NEDD4L: variants seen among roughly 807,000 people sequenced by gnomAD.
The protein encoded by NEDD4L is E3 ubiquitin-protein ligase NEDD4-like.
A neutral mutation model predicts 148.9 loss-of-function variants in NEDD4L; 54 were observed. The ratio of observed to expected loss-of-function variants is 0.36; its 90% CI spans 0.29 to 0.45. The LOEUF (loss-of-function observed/expected upper bound fraction) is 0.45. Among genes scored for constraint, NEDD4L ranks in the 20% least tolerant of loss-of-function variants. The pLI is 1.00. For synonymous variants in NEDD4L, 433 were observed against 440.7 expected (o/e 0.98, Z 0.22); for missense variants, 856 against 1,233.8 (o/e 0.69, Z 4.59).
chr18:58,186,023 G>A (rs1009443841), intron 2 of NEDD4L, among the ~76,000 whole-genome samples: 6 of 152,066 alleles, frequency 3.9e-5, no homozygotes, highest in African/African-American at 7.3e-5. Context: ...ATATGCACAC[G>A]CATACAGAGA....
chr18:58,081,869 G>A (rs1013016497), intron 1 of NEDD4L, among the ~76,000 whole-genome samples: 1 of 151,778 alleles, frequency 6.6e-6, no homozygotes, highest in Non-Finnish European at 1.5e-5. Flanking sequence ...AATTGAAATT[G>A]CCTATTTACC....
chr18:58,081,484 C>G (rs58741667), intron 1 of NEDD4L, among the ~76,000 whole-genome samples: 15,473 of 151,816 alleles, frequency 0.1, 914 homozygotes, highest in Middle Eastern at 0.19. Context: ...CAAAGTGCTA[C>G]GATTACAGGT....
At chr18:58,236,078 C>T (rs2045973608) in intron 2 of NEDD4L, among the ~76,000 whole-genome samples, 1 of 151,634 alleles carries the variant, frequency 6.6e-6, no homozygotes, top group Non-Finnish European at 1.5e-5. Flanking sequence ...GGTCTTTGGC[C>T]AAGTGTAGTG....
chr18:58,228,416 A>G (rs747737942), intron 2 of NEDD4L, among the ~76,000 whole-genome samples: 1 of 152,240 alleles, frequency 6.6e-6, no homozygotes, highest in Admixed American at 6.5e-5. Flanking sequence ...GAGAACTAAA[A>G]GTCATAGTCA....
At chr18:58,056,434 T>A (rs547491268) in intron 1 of NEDD4L, among the ~76,000 whole-genome samples, 1 of 152,320 alleles carries the variant, frequency 6.6e-6, no homozygotes, top group Admixed American at 6.5e-5. Context: ...TAGGAAATGT[T>A]CACCTAGACA....
intron 5 of NEDD4L, among the ~76,000 whole-genome samples, chr18:58,282,404 G>A (rs976978044): frequency 8.5e-5 from 13 of 152,112 alleles, no homozygotes; most frequent in African/African-American, 2.9e-4. Context: ...TTTATACTGC[G>A]AGCAATTTAA....
chr18:58,099,598 A>G lies in NEDD4L; in HGVS notation c.48+54890A>G, dbSNP rs1009901653. 2.6e-5 allele frequency among the ~76,000 whole-genome samples: 4 copies of G among 152,206 alleles called. No individual in the cohort carries two copies. The South Asian group carries it at 8.3e-4, about 32-fold the overall frequency. ...GTCCACCTGATGACCATTTAGGCCAATCACATGTTAATGGGAATTGAATGC... is the reference window on the plus strand; with the variant it reads ...GTCCACCTGATGACCATTTAGGCCAGTCACATGTTAATGGGAATTGAATGC... On this transcript the variant is annotated intron_variant, in intron 1 of 30. Transcript: ENST00000400345.
At chr18:58,238,811 T>A (rs939790445) in intron 2 of NEDD4L, among the ~76,000 whole-genome samples, 22 of 152,314 alleles carry the variant, frequency 1.4e-4, no homozygotes, top group Admixed American at 2.0e-4. Context: ...AATTATTCCT[T>A]CCAGTAGTAG....
intron 2 of NEDD4L, chr18:58,227,853 T>A: frequency 1.0e-6 from 1 of 956,542 alleles, no homozygotes; most frequent in Non-Finnish European, 1.2e-6. Context: ...GCTGTTGAAC[T>A]TTTTTTTGGT....
chr18:58,248,719 A>G lies in NEDD4L; in HGVS notation c.205-180A>G, dbSNP rs537332458. 5.9e-5 allele frequency among the ~76,000 whole-genome samples: 9 copies of G among 152,312 alleles called. No homozygotes were observed. In the East Asian group the frequency reaches 1.7e-3, roughly 29 times the overall value. ...TTCATACCTATGAAGCATCTGTTTC[A>G]TAAATACATTCCCTCCCCCTCCAGT... On this transcript the variant is annotated intron_variant, in intron 3 of 30. Transcript: ENST00000400345.
At chr18:58,218,652 T>C (rs577497025) in intron 2 of NEDD4L, among the ~76,000 whole-genome samples, 248 of 152,252 alleles carry the variant, frequency 1.6e-3, no homozygotes, top group Non-Finnish European at 2.4e-3. Flanking sequence ...CGCCAGCAGC[T>C]TTTTCTTCAT....
chr18:58,304,963 C>G (rs1295990435), intron 5 of NEDD4L, among the ~76,000 whole-genome samples: 2 of 152,348 alleles, frequency 1.3e-5, no homozygotes, highest in African/African-American at 2.4e-5. Flanking sequence ...AGTGAAATCC[C>G]TGTGCTTTGT....
intron 2 of NEDD4L, among the ~76,000 whole-genome samples, chr18:58,223,783 C>T (rs1051742975): frequency 3.9e-5 from 6 of 152,200 alleles, no homozygotes; most frequent in African/African-American, 9.7e-5. Flanking sequence ...GTTTCAGAGG[C>T]CGTTGGCCTT....
At chr18:58,221,209 G>T (rs1413434524) in intron 2 of NEDD4L, among the ~76,000 whole-genome samples, 1 of 152,204 alleles carries the variant, frequency 6.6e-6, no homozygotes, top group African/African-American at 2.4e-5. Context: ...GTTTGTGGCA[G>T]GGTGAAGGGC....
chr18:58,065,747 C>G (rs1244823298), intron 1 of NEDD4L, among the ~76,000 whole-genome samples: 1 of 152,180 alleles, frequency 6.6e-6, no homozygotes, highest in Non-Finnish European at 1.5e-5. Flanking sequence ...TTCAAATGGC[C>G]TTAACGAAGT....
intron 1 of NEDD4L, among the ~76,000 whole-genome samples, chr18:58,092,172 C>T (rs2084110615): frequency 6.6e-6 from 1 of 152,260 alleles, no homozygotes; most frequent in African/African-American, 2.4e-5. Flanking sequence ...TTGCCACCAG[C>T]ATCCTCCCTT....
At chr18:58,363,875 C>T (rs745426211) in intron 19 of NEDD4L, among the ~76,000 whole-genome samples, 5 of 152,190 alleles carry the variant, frequency 3.3e-5, no homozygotes, top group East Asian at 1.9e-4. Context: ...AAAATGCCAA[C>T]GTAGGTCATT....
chr18:58,099,197 G>T (rs916994126), intron 1 of NEDD4L, among the ~76,000 whole-genome samples: 48 of 148,040 alleles, frequency 3.2e-4, no homozygotes, highest in African/African-American at 1.1e-3. Flanking sequence ...TTTTTTTTTT[G>T]GAGACAAGTT....
At chr18:58,149,375 G>C in intron 1 of NEDD4L, 3 of 1,437,312 alleles carry the variant, frequency 2.1e-6, no homozygotes, top group Non-Finnish European at 2.8e-6. Context: ...GCTTTCCTGG[G>C]AGTCAAGTTA....
Sources: gnomAD v4.1 joint callset for allele counts (sites outside exome capture counted in the v4.1 genomes callset) on GRCh38, gnomAD v4.1.1 for gene constraint, MANE v1.5 for transcripts, NCBI Gene and HGNC (gene_info 2026-07-23, HGNC 2026-07-21) for gene names.